The following ZFPM1 variants were observed in gnomAD, a reference collection of about 807,000 sequenced individuals.
ZFPM1 encodes the protein zinc finger protein, FOG family member 1, also known as zinc finger protein ZFPM1.
ZFPM1 carries 28 observed loss-of-function variants against 46.3 expected under a neutral mutation model. That is an observed-to-expected ratio of 0.60 (90% confidence interval 0.45 to 0.83). The LOEUF is 0.83. ZFPM1 is among the 40% of genes least tolerant of loss of function. The pLI is 0.00. For missense variants in ZFPM1, 1,878 were observed against 1,432.4 expected (o/e 1.31, Z -5.02); for synonymous variants, 957 against 675.9 (o/e 1.42, Z -6.45).
chr16:88,476,858 T>G (rs1908710221), intron 1 of ZFPM1, among the ~76,000 whole-genome samples: 3 of 152,086 alleles, frequency 2.0e-5, no homozygotes, highest in Admixed American at 2.0e-4. Context: ...CCCGAGATGG[T>G]CAGAAGCTAA....
In ZFPM1 at chr16:88,516,297, G is replaced by A. The variant is rs529154975; in HGVS notation, c.402+1777G>A. On this transcript the variant is annotated intron_variant, in intron 4 of 9. Transcript: ENST00000319555. ...CCACGGGCTGCCCTTTGCCCTAGCTGCAGTCACCCCTCCCTGTCCGCCTGC... is the reference window on the plus strand; with the variant it reads ...CCACGGGCTGCCCTTTGCCCTAGCTACAGTCACCCCTCCCTGTCCGCCTGC... 123 of 398,232 alleles carry A rather than the reference G, an allele frequency of 3.1e-4. No homozygotes were observed. The East Asian group carries it at 4.0e-3, about 13-fold the overall frequency. 24.7% of individuals were successfully genotyped at this position (398,232 alleles called of 1,614,324 possible). A position where few individuals can be genotyped will look rare whatever the true frequency, so the allele number is the denominator to read the frequency against.
intron 3 of ZFPM1, among the ~76,000 whole-genome samples, chr16:88,505,366 C>G (rs1239535867): frequency 6.6e-6 from 1 of 152,226 alleles, no homozygotes; most frequent in Non-Finnish European, 1.5e-5. Context: ...CGGTGGTGCC[C>G]TCCTCCTCCA....
rs567749772 is a variant in ZFPM1, at chr16:88,468,248, T to C, written c.40+14570T>C. Among the ~76,000 whole-genome samples the C allele has an allele frequency of 4.6e-3, 504 of 108,712 alleles. 7 individuals carry two copies. The highest frequency in any genetic ancestry group is 0.017 in the African/African-American group (458 of 26,950). 71.3% of individuals were successfully genotyped at this position (108,712 alleles called of 152,430 possible). On this transcript the variant is annotated intron_variant, in intron 1 of 9. Transcript: ENST00000319555. The stretch of plus-strand genomic sequence containing the variant: ...CCCTCAAGCACCCGCGAGCCCACCG[T>C]CCCGACGCACCCGCGAGCCCACTGC...
At chr16:88,494,238 C>A (rs1292059618) in intron 3 of ZFPM1, among the ~76,000 whole-genome samples, 1 of 152,118 alleles carries the variant, frequency 6.6e-6, no homozygotes, top group African/African-American at 2.4e-5. Context: ...CTCCCCTTTC[C>A]GCGGCCAAGA....
chr16:88,524,317 A>C (rs1483074782), intron 4 of ZFPM1, among the ~76,000 whole-genome samples: 1 of 152,144 alleles, frequency 6.6e-6, no homozygotes, highest in African/African-American at 2.4e-5. Context: ...TGTGCCAGGA[A>C]TGTGCCTGCC....
chr16:88,489,105 G>A lies in ZFPM1; in HGVS notation c.220G>A (p.Glu74Lys), dbSNP rs765037961. 78 of 1,612,576 alleles carry A rather than the reference G, an allele frequency of 4.8e-5. No homozygotes were observed. The highest frequency in any genetic ancestry group is 6.5e-5 in the Non-Finnish European group (77 of 1,179,668). ...GPKELEGQEP[E>K]PRPTEEEPGS... The stretch of plus-strand genomic sequence containing the variant: ...CAAGGAGCTGGAAGGACAGGAACCA[G>A]AACCCAGGCCCACGGAGGAAGAGCC... Residue 74 changes from glutamate (E) to lysine (K), a missense_variant, in exon 3 of 10, where the codon GAA becomes AAA. By Grantham distance (56) the Glu-to-Lys change is moderately conservative. Coordinates refer to ENST00000319555, the MANE Select transcript of ZFPM1 (RefSeq NM_153813.3).
chr16:88,482,860 C>A (rs1315921477), intron 1 of ZFPM1, among the ~76,000 whole-genome samples: 9 of 152,222 alleles, frequency 5.9e-5, no homozygotes, highest in African/African-American at 1.9e-4. Context: ...CGTGCTCCCG[C>A]CAAGTCGGGG....
At chr16:88,495,183 C>T (rs763551063) in intron 3 of ZFPM1, among the ~76,000 whole-genome samples, 1 of 152,212 alleles carries the variant, frequency 6.6e-6, no homozygotes, top group South Asian at 2.1e-4. Flanking sequence ...GGGTCCCATT[C>T]GACTCCCTGG....
chr16:88,511,998 T>C (rs192003891), intron 3 of ZFPM1, among the ~76,000 whole-genome samples: 15 of 152,230 alleles, frequency 9.9e-5, no homozygotes, highest in African/African-American at 3.6e-4. Flanking sequence ...CGGCCATCCC[T>C]GAGTGGTGGG....
upstream of ZFPM1, among the ~76,000 whole-genome samples, chr16:88,452,478 G>GC (rs1000022964): frequency 5.3e-5 from 8 of 152,234 alleles, no homozygotes; most frequent in Non-Finnish European, 1.0e-4. Flanking sequence ...GCCGGCTCCC[G>GC]CGCCCCCTCC....
intron 3 of ZFPM1, among the ~76,000 whole-genome samples, chr16:88,509,313 G>C (rs1393694703): frequency 6.6e-6 from 1 of 152,264 alleles, no homozygotes; most frequent in Non-Finnish European, 1.5e-5. Flanking sequence ...GCCTATGGGA[G>C]CCACAGGGCG....
intron 3 of ZFPM1, among the ~76,000 whole-genome samples, chr16:88,501,189 C>A (rs77311881): frequency 0.059 from 3,389 of 57,812 alleles, 86 homozygotes; most frequent in African/African-American, 0.097. Context: ...TGCGGGGGCC[C>A]TCCCGCAGGT....
In ZFPM1 at chr16:88,486,062, T is replaced by C; in HGVS notation, c.145+19T>C. On this transcript the variant is annotated intron_variant, in intron 2 of 9. Transcript: ENST00000319555. ...AGCGCAGGTGAGTCAGACTGAGCCC[T>C]CTCACCGCGCCTCCAGCCGGGGCCT... 1 of 1,603,458 alleles carries C rather than the reference T, an allele frequency of 6.2e-7. No homozygotes were observed. The highest frequency in any genetic ancestry group is 8.5e-7 in the Non-Finnish European group (1 of 1,175,904).
chr16:88,534,450 C>T lies in ZFPM1; in HGVS notation c.2492C>T (p.Ala831Val). 6.7e-7 allele frequency: 1 copy of T among 1,497,500 alleles called. No homozygotes were observed. The highest frequency in any genetic ancestry group is 1.2e-5 in the South Asian group (1 of 82,344). The allele number at this position is 1,497,500 out of a possible 1,614,324, so 92.8% of individuals were successfully genotyped here. A position where few individuals can be genotyped will look rare whatever the true frequency, so the allele number is the denominator to read the frequency against. ...ACRVSFHSLEAYLAHKKYSCP... is the reference protein window; with the variant it reads ...ACRVSFHSLEVYLAHKKYSCP... ...CGCGTGAGCTTCCACAGCCTCGAGG[C>T]CTACCTGGCGCACAAGAAGTACTCG... Residue 831 changes from alanine (A) to valine (V), a missense_variant, in exon 10 of 10, where the codon GCC becomes GTC. Coordinates refer to ENST00000319555, the MANE Select transcript of ZFPM1 (RefSeq NM_153813.3).
intron 1 of ZFPM1, among the ~76,000 whole-genome samples, chr16:88,473,605 C>CT (rs1908526125): frequency 6.6e-6 from 1 of 152,102 alleles, no homozygotes; most frequent in Non-Finnish European, 1.5e-5. Context: ...TGCCTCCACC[C>CT]ATCTGACGCA....
chr16:88,469,047 A>C lies in ZFPM1; in HGVS notation c.40+15369A>C, dbSNP rs1055693044. The C allele has an allele frequency of 6.5e-6, 1 of 154,166 alleles. No individual in the cohort carries two copies. Among genetic ancestry groups the C allele is most frequent in the Admixed American group, 6.5e-5 (1 of 15,278 alleles). The allele number at this position is 154,166 out of a possible 1,614,324, so 9.5% of individuals were successfully genotyped here. ...GGGGACCAGGACCCAGGAGTTCCCG[A>C]GAGGAGTGCAGCCAGCAGCCACTCC... On this transcript the variant is annotated intron_variant, in intron 1 of 9. Coordinates refer to ENST00000319555, the MANE Select transcript of ZFPM1 (RefSeq NM_153813.3). The surrounding 1 kb of genome is among the most constrained non-coding windows in gnomAD (Gnocchi z 4.3).
Position 88,534,334 on chromosome 16 carries a change from C to G in ZFPM1, c.2376C>G (p.Asp792Glu), listed in dbSNP as rs1913097611. Residue 792 changes from aspartate to glutamate, a missense_variant, in exon 10 of 10, where the codon GAC (aspartate) becomes GAG (glutamate). By Grantham distance (45) the Asp-to-Glu change is conservative (BLOSUM62 2). Transcript: ENST00000319555. ...APARSPGPAA[D>E]GPIDLSKKPR... ...CGCGCTCGCCCGGCCCCGCGGCCGA[C>G]GGCCCCATCGACCTGAGCAAGAAGC... 1 of 1,364,616 alleles carries G rather than the reference C, an allele frequency of 7.3e-7. No homozygotes were observed. Among genetic ancestry groups the G allele is most frequent in the African/African-American group, 1.5e-5 (1 of 64,768 alleles). The allele number at this position is 1,364,616 out of a possible 1,614,324, so 84.5% of individuals were successfully genotyped here.
rs893926631 is a variant in ZFPM1 at position 88,506,426 on chromosome 16, C to G, written c.269-7961C>G. 1.6e-4 allele frequency among the ~76,000 whole-genome samples: 24 copies of G among 149,122 alleles called. No homozygotes were observed. In the East Asian group the frequency reaches 3.9e-3, roughly 24 times the overall value. ...CTTTGTTTCCCCTCAGTGAAATAGA[C>G]TCAGGTCTTGTGCTGGGGCTTAACT... On this transcript the variant is annotated intron_variant, in intron 3 of 9. Transcript: ENST00000319555.
rs1188173735 is a variant in ZFPM1, at chr16:88,520,901, GTGGA to G, written c.403-5898_403-5895del. On this transcript the variant is annotated intron_variant, in intron 4 of 9. Transcript: ENST00000319555. Reference sequence around the variant, plus strand: ...GATGGGAGGGAGGGAGGGAGTGTGGGTGGATGGATGGATGGATGATTCGGTGGGT... The same window carrying G: ...GATGGGAGGGAGGGAGGGAGTGTGGGTGGATGGATGGATGATTCGGTGGGT... Among the ~76,000 whole-genome samples, 175 of 119,968 alleles carry G rather than the reference GTGGA, an allele frequency of 1.5e-3. 2 individuals are homozygous for G. Among genetic ancestry groups the G allele is most frequent in the African/African-American group, 5.4e-3 (160 of 29,616 alleles). The allele number at this position is 119,968 out of a possible 152,430, so 78.7% of individuals were successfully genotyped here.
Sources: gnomAD v4.1 joint callset for allele counts (sites outside exome capture counted in the v4.1 genomes callset) on GRCh38, gnomAD v4.1.1 for gene constraint, Gnocchi (gnomAD v3.1) non-coding constraint, MANE v1.5 for transcripts, NCBI Gene and HGNC (gene_info 2026-07-23, HGNC 2026-07-21) for gene names.